Variants in CCDC91 observed in about 807,000 individuals in gnomAD.
The protein encoded by CCDC91 is coiled-coil domain containing 91.
In CCDC91, 48 loss-of-function variants were observed where a neutral mutation model predicts 63.2. The observed-to-expected ratio is 0.76, with a 90% CI of 0.60 to 0.97. The LOEUF is 0.97. Among genes scored for constraint, CCDC91 ranks in the 50% least tolerant of loss-of-function variants. The pLI is 0.00. For missense variants in CCDC91, 500 were observed against 494.6 expected, an observed-to-expected ratio of 1.01 and a Z score of -0.10; for synonymous variants, 167 against 165.8, an observed-to-expected ratio of 1.01 and a Z score of -0.06.
At chr12:28,359,789 C>CTTTTTTTTTTTTTTTT (rs1565853581) in intron 6 of CCDC91, among the ~76,000 whole-genome samples, 4 of 150,400 alleles carry the variant, frequency 2.7e-5, no homozygotes, top group African/African-American at 1.0e-4. Flanking sequence ...TTTCTATTTA[C>CTTTTTTTTTTTTTTTT]TTTTAAAATC....
chr12:28,526,726 C>T (rs1941294891), intron 12 of CCDC91, among the ~76,000 whole-genome samples: 1 of 151,990 alleles, frequency 6.6e-6, no homozygotes, highest in African/African-American at 2.4e-5. Context: ...TCTCTTCCTC[C>T]TCAGGAACAC....
At chr12:28,391,600 G>A (rs1945951524) in intron 8 of CCDC91, among the ~76,000 whole-genome samples, 189 bp downstream of exon 8, 1 of 152,260 alleles carries the variant, frequency 6.6e-6, no homozygotes, top group Admixed American at 6.5e-5. Context: ...CCTGAAATAT[G>A]TGGGTCTCCC....
intron 12 of CCDC91, among the ~76,000 whole-genome samples, chr12:28,540,275 G>T (rs1272800601): frequency 6.6e-6 from 1 of 152,046 alleles, no homozygotes; most frequent in African/African-American, 2.4e-5. Flanking sequence ...TATTTAATGT[G>T]CCAGGCTTTT....
intron 3 of CCDC91, among the ~76,000 whole-genome samples, chr12:28,291,158 C>A (rs1949224165): frequency 6.6e-6 from 1 of 152,128 alleles, no homozygotes; most frequent in African/African-American, 2.4e-5. Flanking sequence ...TTGTTTATTC[C>A]TGTAGTGTAA....
rs553733141 is a variant in CCDC91, at chr12:28,371,330, G to A, written c.654+8815G>A. On this transcript the variant is annotated intron_variant, in intron 7 of 12. Coordinates refer to ENST00000536442, the MANE Select transcript of CCDC91 (RefSeq NM_018318.5). ...CAAAACCTTATGGTGAACTGCACAT[G>A]TGAGAAATCTAGGTTACATGCTCCT... is the stretch of plus-strand genomic sequence containing the variant. 9.2e-5 allele frequency among the ~76,000 whole-genome samples: 14 copies of A among 152,230 alleles called. 1 individual carries two copies. The highest frequency in any genetic ancestry group is 3.4e-4 in the African/African-American group (14 of 41,538).
intron 1 of CCDC91, among the ~76,000 whole-genome samples, chr12:28,217,536 G>A (rs561435336): frequency 6.6e-6 from 1 of 152,164 alleles, no homozygotes; most frequent in African/African-American, 2.4e-5. Context: ...TTATTTTTCT[G>A]TGCCACAAAG....
At chr12:28,283,622 T>C (rs1318753794) in intron 3 of CCDC91, among the ~76,000 whole-genome samples, 1 of 152,112 alleles carries the variant, frequency 6.6e-6, no homozygotes, top group African/African-American at 2.4e-5. Flanking sequence ...GTTTTGCAGA[T>C]GATAAGAGTT....
At chr12:28,352,822 G>A (rs1451533201) in intron 6 of CCDC91, among the ~76,000 whole-genome samples, 2 of 152,174 alleles carry the variant, frequency 1.3e-5, no homozygotes, top group African/African-American at 4.8e-5. Context: ...TAAGGGCCCT[G>A]GATTTTGTAG....
rs1271459326 is a variant in CCDC91, at chr12:28,258,339, A to G, written c.31-1025A>G. ...CATCTGGCTTAGTTTATTGTTTAGA[A>G]GTTGTTATTTGAGGGTTACAGTCTG... On this transcript the variant is annotated intron_variant, in intron 2 of 12. Coordinates refer to ENST00000536442, the MANE Select transcript of CCDC91 (RefSeq NM_018318.5). Among the ~76,000 whole-genome samples the G allele has an allele frequency of 2.0e-5, 3 of 151,868 alleles. No individual in the cohort carries two copies. In the East Asian group the frequency reaches 5.8e-4, roughly 29 times the overall value.
At position 28,427,761 on chromosome 12, in the gene CCDC91, G is replaced by A. The variant is rs373981237; in HGVS notation, c.763-22400G>A. On this transcript the variant is annotated intron_variant, in intron 8 of 12. Transcript: ENST00000536442. ...ACATCATTGATCTTTAGTTTGTTCC[G>A]TTTTTTTCTTGTTGTAAGGATAGGA... 7.9e-5 allele frequency among the ~76,000 whole-genome samples: 12 copies of A among 152,168 alleles called. No homozygotes were observed. The East Asian group carries it at 1.3e-3, about 17-fold the overall frequency.
intron 8 of CCDC91, among the ~76,000 whole-genome samples, chr12:28,418,105 G>C (rs1947790257): frequency 6.6e-6 from 1 of 152,004 alleles, no homozygotes; most frequent in Non-Finnish European, 1.5e-5. Flanking sequence ...GGATCATTTG[G>C]TTAGTGCATG....
chr12:28,439,552 T>C (rs1384522108), intron 8 of CCDC91, among the ~76,000 whole-genome samples: 2 of 152,112 alleles, frequency 1.3e-5, no homozygotes, highest in African/African-American at 4.8e-5. Flanking sequence ...CACAAAATAA[T>C]GTGAAGTTTG....
In CCDC91 at chr12:28,360,094, A is replaced by T. The variant is rs533071554; in HGVS notation, c.577-2344A>T. 2.0e-5 allele frequency among the ~76,000 whole-genome samples: 3 copies of T among 152,340 alleles called. No individual in the cohort carries two copies. The South Asian group carries it at 6.2e-4, about 32-fold the overall frequency. On this transcript the variant is annotated intron_variant, in intron 6 of 12. Transcript: ENST00000536442. ...TCTTAAAGTAGATCGTTGCCATGAA[A>T]CATGGATTTATAATCCTACTAACAA...
intron 1 of CCDC91, among the ~76,000 whole-genome samples, chr12:28,198,646 G>C (rs1357836378): frequency 6.6e-6 from 1 of 152,102 alleles, no homozygotes; most frequent in East Asian, 1.9e-4. Flanking sequence ...GAGATATTTA[G>C]ATATTTTAAG....
intron 3 of CCDC91, among the ~76,000 whole-genome samples, chr12:28,294,427 G>C (rs184047477): frequency 6.6e-6 from 1 of 152,038 alleles, no homozygotes; most frequent in Non-Finnish European, 1.5e-5. Context: ...GTTCTCACAG[G>C]ATCTTCTGGT....
intron 1 of CCDC91, chr12:28,256,927 A>G: frequency 3.0e-6 from 1 of 334,436 alleles, no homozygotes; most frequent in South Asian, 3.9e-5. Flanking sequence ...TCTAGTGCCA[A>G]TTTGGGAAAA....
At chr12:28,537,086 TTTG>T (rs1268616174) in intron 12 of CCDC91, among the ~76,000 whole-genome samples, 6 of 152,186 alleles carry the variant, frequency 3.9e-5, no homozygotes, top group African/African-American at 1.4e-4. Context: ...CTGAGTTAAA[TTTG>T]TTGTTGTGGC....
intron 7 of CCDC91, among the ~76,000 whole-genome samples, chr12:28,381,167 GAA>G (rs1304591537): frequency 6.6e-6 from 1 of 152,092 alleles, no homozygotes; most frequent in Admixed American, 6.6e-5. Flanking sequence ...AAAACAGACT[GAA>G]AAGAAAAGCA....
intron 2 of CCDC91, 119 bp downstream of exon 2, chr12:28,257,364 G>A: frequency 1.5e-6 from 1 of 647,694 alleles, no homozygotes; most frequent in Non-Finnish European, 2.7e-6. Flanking sequence ...TCATTTTAAT[G>A]TAATTCTGGA....
Sources: allele counts gnomAD v4.1 joint callset (sites outside exome capture counted in the v4.1 genomes callset), GRCh38; gene constraint gnomAD v4.1.1; transcripts MANE v1.5; gene names NCBI Gene and HGNC (gene_info 2026-07-23, HGNC 2026-07-21).